Variants in INPP5B observed in about 807,000 individuals in gnomAD.
The protein encoded by INPP5B is inositol polyphosphate-5-phosphatase B.
Under a neutral mutation model 118.5 loss-of-function variants are expected in INPP5B, and 90 were observed. That is an observed-to-expected ratio of 0.76 (90% CI 0.64 to 0.90). INPP5B has a LOEUF of 0.90. INPP5B is among the 40% of genes least tolerant of loss of function. The pLI is 0.00. For missense variants in INPP5B, 984 were observed against 1,125.6 expected (o/e 0.87, Z 1.80); for synonymous variants, 385 against 418.9 (o/e 0.92, Z 0.99).
intron 18 of INPP5B, 51 bp from the exon 19 acceptor site, chr1:37,873,216 A>C (rs760131232): frequency 1.6e-6 from 2 of 1,279,030 alleles, no homozygotes; most frequent in Non-Finnish European, 2.3e-6. Flanking sequence ...CCAAGAGGAA[A>C]GGGGAAAGAA....
chr1:37,920,340 A>T (rs1645009772), intron 7 of INPP5B, among the ~76,000 whole-genome samples: 1 of 152,204 alleles, frequency 6.6e-6, no homozygotes, highest in Non-Finnish European at 1.5e-5. Flanking sequence ...TAAGTAGGGA[A>T]AAGTTTTATT....
At chr1:37,896,423 G>C (rs1166198631) in intron 7 of INPP5B, among the ~76,000 whole-genome samples, 6 of 150,572 alleles carry the variant, frequency 4.0e-5, no homozygotes, top group African/African-American at 1.5e-4. Flanking sequence ...GAGGGAGGTG[G>C]GGGGGTCAGC....
rs943333016 is a variant in INPP5B, at chr1:37,865,865, C to T, written c.2410G>A (p.Glu804Lys). The change falls in exon 22 of 24, where the codon GAA becomes AAA. Residue 804 changes from glutamate (E) to lysine (K), a missense_variant. Around this residue, in one of 2 missense-constraint regions of INPP5B, gnomAD observed 634 missense variants for 791.0 expected, o/e 0.80. Coordinates refer to ENST00000373024, the MANE Select transcript of INPP5B (RefSeq NM_005540.3). ...NLSASNHSVA[E>K]ALLLFLESLP... The stretch of plus-strand genomic sequence containing the variant: ...CTCTCCAGGAAAAGCAGCAGGGCTT[C>T]GGCTACAGAATGATTGCTGGCAGCT... 36 of 1,613,334 alleles carry T rather than the reference C, an allele frequency of 2.2e-5. 1 individual carries two copies. The highest frequency in any genetic ancestry group is 5.3e-5 in the African/African-American group (4 of 74,898).
rs753050976 is a variant in INPP5B, at chr1:37,873,134, G to A, written c.1983C>T (p.Phe661=). 5.6e-6 allele frequency: 9 copies of A among 1,613,712 alleles called. No homozygotes were observed. The highest frequency in any genetic ancestry group is 2.2e-5 in the South Asian group (2 of 91,078). ...GCTTTGTAGCTGTCATCTTATTTAC[G>A]AAGAGCTCCAAGTCAATCTCAACAT... ...DSDVEIDLEL[F]VNKMTATKLN... Residue 661 remains phenylalanine (F), a synonymous_variant, in exon 19 of 24, where the codon TTC becomes TTT. Transcript: ENST00000373024.
intron 20 of INPP5B, 136 bp from the exon 21 acceptor site, chr1:37,866,679 T>A: frequency 1.5e-6 from 1 of 648,192 alleles, no homozygotes; most frequent in Non-Finnish European, 2.8e-6. Context: ...ACAGATGATC[T>A]GATTTAGGCT....
At chr1:37,866,902 G>A (rs1642082775) in intron 20 of INPP5B, among the ~76,000 whole-genome samples, 1 of 152,238 alleles carries the variant, frequency 6.6e-6, no homozygotes, top group Admixed American at 6.5e-5. Context: ...GAGCATAAGA[G>A]AACGCTAACA....
rs762402681 is a variant in INPP5B at position 37,932,049 on chromosome 1, G to A, written c.396C>T (p.Phe132=). 18 of 1,593,308 alleles carry A rather than the reference G, an allele frequency of 1.1e-5. No individual in the cohort carries two copies. The highest frequency in any genetic ancestry group is 1.5e-5 in the Non-Finnish European group (18 of 1,169,064). ...LHEVARACPG[F]DSATRDPEFL... is the part of the protein sequence containing the mutation. The stretch of plus-strand genomic sequence containing the variant: ...ATTCAGGATCCCGGGTCGCAGAATC[G>A]AAGCCTGTGCAGGAACAAATGGGGG... The change falls in exon 7 of 24, where the codon TTC becomes TTT. Residue 132 remains phenylalanine (F), a synonymous_variant. Transcript: ENST00000373024.
Position 37,917,308 on chromosome 1 carries a change from TTATATATATATA to T in INPP5B, c.532+14593_532+14604del, listed in dbSNP as rs368327131. The stretch of plus-strand genomic sequence containing the variant: ...CGTCTCGGGGGAAAAAAAAAAATAA[TTATATATATATA>T]TATATATATATATATATATTTGAGA... On this transcript the variant is annotated intron_variant, in intron 7 of 23. Transcript: ENST00000373024. Among the ~76,000 whole-genome samples the T allele has an allele frequency of 2.2e-3, 208 of 92,788 alleles. 7 individuals are homozygous for T. The highest frequency in any genetic ancestry group is 5.3e-3 in the African/African-American group (130 of 24,322). The allele number at this position is 92,788 out of a possible 152,430, so 60.9% of individuals were successfully genotyped here.
chr1:37,923,554 A>G lies in INPP5B; in HGVS notation c.532+8359T>C, dbSNP rs532754071. Among the ~76,000 whole-genome samples, 7 of 152,286 alleles carry G rather than the reference A, an allele frequency of 4.6e-5. No homozygotes were observed. In the East Asian group the frequency reaches 1.4e-3, roughly 29 times the overall value. Reference sequence around the variant, plus strand: ...AAGGAGAGGGAAACTTGAGGTTGGGAAGACTTACAAGAAGACTACTGCAAC... The same window carrying G: ...AAGGAGAGGGAAACTTGAGGTTGGGGAGACTTACAAGAAGACTACTGCAAC... On this transcript the variant is annotated intron_variant, in intron 7 of 23. Transcript: ENST00000373024.
chr1:37,897,121 A>AC (rs1644139763), intron 7 of INPP5B, among the ~76,000 whole-genome samples: 1 of 85,780 alleles, frequency 1.2e-5, no homozygotes, highest in Non-Finnish European at 2.4e-5. Context: ...GGGGGGTCAG[A>AC]CCCCCGTCCG....
chr1:37,892,830 A>C (rs971473796), intron 7 of INPP5B, among the ~76,000 whole-genome samples: 1 of 152,106 alleles, frequency 6.6e-6, no homozygotes, highest in Non-Finnish European at 1.5e-5. Context: ...TTAGGTCACA[A>C]GGGTGGAGCC....
At chr1:37,944,783 C>T (rs1472023658) in intron 3 of INPP5B, among the ~76,000 whole-genome samples, 14 of 138,550 alleles carry the variant, frequency 1.0e-4, no homozygotes, top group African/African-American at 3.1e-4. Flanking sequence ...AGCCGGGGAG[C>T]GGGAGGTGGG....
At chr1:37,945,995 C>T in intron 2 of INPP5B, 145 bp from the exon 3 acceptor site, 1 of 737,646 alleles carries the variant, frequency 1.4e-6, no homozygotes, top group Non-Finnish European at 2.3e-6. Flanking sequence ...AACTAACAGA[C>T]AAACAGGCTC....
chr1:37,901,857 C>A (rs1644344367), intron 7 of INPP5B, among the ~76,000 whole-genome samples: 1 of 152,174 alleles, frequency 6.6e-6, no homozygotes, highest in South Asian at 2.1e-4. Context: ...TCCTCTCCTG[C>A]TTCCCTACTC....
intron 15 of INPP5B, among the ~76,000 whole-genome samples, chr1:37,878,778 T>G (rs1054538803): frequency 6.6e-6 from 1 of 151,702 alleles, no homozygotes; most frequent in Admixed American, 6.6e-5. Context: ...GCCTCCCGAA[T>G]AGCTGGGACT....
chr1:37,873,996 G>A lies in INPP5B; in HGVS notation c.1948C>T (p.Pro650Ser). The A allele has an allele frequency of 6.4e-7, 1 of 1,565,844 alleles. No homozygotes were observed. The highest frequency in any genetic ancestry group is 8.7e-7 in the Non-Finnish European group (1 of 1,145,402). The stretch of plus-strand genomic sequence containing the variant: ...AAGCTAGGAACAGAGGCCTTACCTG[G>A]CAGGAGGAAGCCTCTGCTGGGGTTG... The part of the protein sequence containing the change: ...NANPSRGFLL[P>S]DSDVEIDLEL... Residue 650 changes from proline to serine, a missense_variant, in exon 18 of 24, where the codon CCA becomes TCA. By Grantham distance (74) the Pro-to-Ser change is moderately conservative (BLOSUM62 -1). Transcript: ENST00000373024.
At chr1:37,896,096 C>G (rs1174203932) in intron 7 of INPP5B, among the ~76,000 whole-genome samples, 2 of 151,418 alleles carry the variant, frequency 1.3e-5, no homozygotes, top group East Asian at 2.0e-4. Flanking sequence ...GCCATCACAT[C>G]TGGGAAGTGA....
rs1007117389 is a variant in INPP5B, at chr1:37,885,468, GT to G, written c.1319+169del. On this transcript the variant is annotated intron_variant, in intron 13 of 23. Coordinates refer to ENST00000373024, the MANE Select transcript of INPP5B (RefSeq NM_005540.3). ...ACTCAAGAGATCTGCCAGATAGCAA[GT>G]TAGGAAACTAAATATTTTCAAGAGA... 37 of 544,072 alleles carry G rather than the reference GT, an allele frequency of 6.8e-5. No individual in the cohort carries two copies. In the African/African-American group the frequency reaches 6.8e-4, roughly 10 times the overall value. The allele number at this position is 544,072 out of a possible 1,614,324, so 33.7% of individuals were successfully genotyped here.
chr1:37,912,831 C>T (rs1410805098), intron 7 of INPP5B, among the ~76,000 whole-genome samples: 1 of 152,118 alleles, frequency 6.6e-6, no homozygotes, highest in Non-Finnish European at 1.5e-5. Context: ...CTATCTCCAC[C>T]ACACTATCAA....
Sources: gnomAD v4.1 joint callset for allele counts (sites outside exome capture counted in the v4.1 genomes callset) on GRCh38, gnomAD v4.1.1 for gene constraint, gnomAD v4.1.1 regional missense constraint, MANE v1.5 for transcripts, NCBI Gene and HGNC (gene_info 2026-07-23, HGNC 2026-07-21) for gene names.